KIFC3: variants seen among roughly 807,000 people sequenced by gnomAD.
KIFC3 encodes the protein kinesin family member C3.
Under a neutral mutation model 101.8 loss-of-function variants are expected in KIFC3, and 60 were observed. The ratio of observed to expected loss-of-function variants is 0.59; its 90% CI spans 0.48 to 0.73. The LOEUF is 0.73. Ranked by LOEUF, KIFC3 falls within the 30% of genes least tolerant of loss-of-function variation. KIFC3 has a pLI of 0.00. For missense variants in KIFC3, 966 were observed against 1,137.1 expected (o/e 0.85, Z 2.16); for synonymous variants, 476 against 482.7 (o/e 0.99, Z 0.18).
intron 7 of KIFC3, 130 bp from the exon 8 acceptor site, chr16:57,770,085 G>C: frequency 8.5e-7 from 1 of 1,171,382 alleles, no homozygotes; most frequent in African/African-American, 1.5e-5. Context: ...TGCACACCCA[G>C]AGGGGCAGAA....
chr16:57,850,947 CTCCTTCCTTCCTTCCTTCCTTCCT>C (rs200153757), intron 1 of KIFC3, among the ~76,000 whole-genome samples: 3,020 of 52,534 alleles, frequency 0.057, 131 homozygotes, highest in African/African-American at 0.14. Context: ...CCTTCCCTCC[CTCCTTCCTTCCTTCCTTCCTTCCT>C]TCCTTCCTTC....
chr16:57,789,310 A>G (rs1409305970), intron 3 of KIFC3, among the ~76,000 whole-genome samples: 1 of 152,238 alleles, frequency 6.6e-6, no homozygotes, highest in Non-Finnish European at 1.5e-5. Context: ...GGGGGAACAC[A>G]GGCAAAGGAC....
At chr16:57,828,266 C>T (rs1292709420) in intron 1 of KIFC3, among the ~76,000 whole-genome samples, 2 of 152,260 alleles carry the variant, frequency 1.3e-5, no homozygotes, top group African/African-American at 4.8e-5. Flanking sequence ...AGGTAGGAAG[C>T]GTGCTTAGGT....
rs138297923 is a variant in KIFC3, at chr16:57,772,455, G to A, written c.316-167C>T. ...CATCCCATCACACCTGGGACTTCAG[G>A]TGAGAGAAACCTGGGCTGGTGCTGA... On this transcript the variant is annotated intron_variant, in intron 3 of 19. Transcript: ENST00000445690. 3.6e-3 allele frequency: 2,036 copies of A among 570,030 alleles called. 8 individuals carry two copies. The highest frequency in any genetic ancestry group is 4.8e-3 in the Non-Finnish European group (1,527 of 318,520). 35.3% of individuals were successfully genotyped at this position (570,030 alleles called of 1,614,324 possible).
chr16:57,803,880 C>T (rs1319306586), upstream of KIFC3, among the ~76,000 whole-genome samples: 1 of 152,190 alleles, frequency 6.6e-6, no homozygotes, highest in Non-Finnish European at 1.5e-5. Context: ...GCCTGCCCTC[C>T]AAACAGCAGT....
chr16:57,788,696 C>G, intron 3 of KIFC3: 1 of 1,289,634 alleles, frequency 7.8e-7, no homozygotes, highest in Non-Finnish European at 1.0e-6. Context: ...TCTTGCACCC[C>G]TTGTCCTGCA....
intron 3 of KIFC3, among the ~76,000 whole-genome samples, chr16:57,791,744 C>T (rs1464619287): frequency 6.6e-6 from 1 of 152,160 alleles, no homozygotes; most frequent in Non-Finnish European, 1.5e-5. Flanking sequence ...CCACCCAACT[C>T]GAGGCTGTGG....
At chr16:57,827,957 G>A (rs1428543373) in intron 1 of KIFC3, among the ~76,000 whole-genome samples, 1 of 152,248 alleles carries the variant, frequency 6.6e-6, no homozygotes, top group Admixed American at 6.5e-5. Context: ...ACAACCCCTT[G>A]AGGGAAGTTC....
chr16:57,761,188 A>C lies in KIFC3; in HGVS notation c.1873-17T>G. ...CTCAAACACCTGGGGGATTGGGAGG[A>C]GGGCAGAGGCACAGCGTTGAGAATG... is the stretch of plus-strand genomic sequence containing the variant. On this transcript the variant is annotated splice_polypyrimidine_tract_variant and intron_variant, in intron 14 of 19. Coordinates refer to ENST00000445690, the MANE Select transcript of KIFC3 (RefSeq NM_001130100.2). The C allele has an allele frequency of 6.2e-7, 1 of 1,612,982 alleles. No homozygotes were observed. The highest frequency in any genetic ancestry group is 2.2e-5 in the East Asian group (1 of 44,834).
intron 6 of KIFC3, 146 bp downstream of exon 6, chr16:57,771,052 G>A: frequency 9.4e-7 from 1 of 1,059,522 alleles, no homozygotes; most frequent in African/African-American, 1.6e-5. Context: ...GAAGGGGAAG[G>A]GGCAGGACCA....
chr16:57,823,761 T>TGTGTGTGTGTGTGTG (rs1568088450), intron 1 of KIFC3, among the ~76,000 whole-genome samples: 23 of 136,716 alleles, frequency 1.7e-4, no homozygotes, highest in South Asian at 5.0e-4. Flanking sequence ...CCCGGCTACT[T>TGTGTGTGTGTGTGTG]TGTGTGTGTG....
At chr16:57,835,539 G>A (rs1470432095) in intron 1 of KIFC3, among the ~76,000 whole-genome samples, 1 of 152,184 alleles carries the variant, frequency 6.6e-6, no homozygotes, top group Non-Finnish European at 1.5e-5. Flanking sequence ...TTAGGTTACA[G>A]AACAACCCAA....
chr16:57,764,456 A>T, intron 11 of KIFC3: 1 of 557,840 alleles, frequency 1.8e-6, no homozygotes, highest in Non-Finnish European at 3.2e-6. Flanking sequence ...GACTGCAGGG[A>T]AGACAGGCCA....
chr16:57,781,428 G>T (rs913256505), intron 3 of KIFC3, among the ~76,000 whole-genome samples: 2 of 152,230 alleles, frequency 1.3e-5, no homozygotes, highest in Non-Finnish European at 2.9e-5. Context: ...GGAACTCAAG[G>T]CCAGCAGGAC....
chr16:57,840,293 G>C (rs552969461), intron 1 of KIFC3, among the ~76,000 whole-genome samples: 2 of 151,718 alleles, frequency 1.3e-5, no homozygotes, highest in Non-Finnish European at 2.9e-5. Context: ...AGCTGAGATC[G>C]AGCCACTGAA....
intron 3 of KIFC3, chr16:57,781,727 A>C (rs1371979773): frequency 6.2e-6 from 1 of 161,924 alleles, no homozygotes; most frequent in Non-Finnish European, 1.3e-5. Context: ...GGGGGATTTC[A>C]TAAGACCATT....
chr16:57,849,764 G>A (rs1320503878), intron 1 of KIFC3, among the ~76,000 whole-genome samples: 1 of 152,110 alleles, frequency 6.6e-6, no homozygotes, highest in South Asian at 2.1e-4. Context: ...TTAGCCGGGT[G>A]TGGTGGTGTG....
chr16:57,836,496 G>A (rs1480199619), intron 1 of KIFC3, among the ~76,000 whole-genome samples: 3 of 152,066 alleles, frequency 2.0e-5, no homozygotes, highest in Non-Finnish European at 4.4e-5. Context: ...TAAGCCTCTG[G>A]GCAGAAGTTG....
chr16:57,808,590 G>C lies in KIFC3; in HGVS notation c.109-10308C>G, dbSNP rs79942637. Among the ~76,000 whole-genome samples, 534 of 151,996 alleles carry C rather than the reference G, an allele frequency of 3.5e-3. 3 individuals are homozygous for C. Among genetic ancestry groups the C allele is most frequent in the African/African-American group, 0.012 (504 of 41,454 alleles). On this transcript the variant is annotated intron_variant, in intron 1 of 2. Coordinates refer to the KIFC3 transcript ENST00000563028. ...TGCACAAATCTAATAGAAACCAAGAGAGAGAGGAAAAACACAAAAACTAAA... is the reference window on the plus strand; with the variant it reads ...TGCACAAATCTAATAGAAACCAAGACAGAGAGGAAAAACACAAAAACTAAA...
Sources: allele counts gnomAD v4.1 joint callset (sites outside exome capture counted in the v4.1 genomes callset), GRCh38; gene constraint gnomAD v4.1.1; transcripts MANE v1.5; gene names NCBI Gene and HGNC (gene_info 2026-07-23, HGNC 2026-07-21).